Variants in CREB5 observed in about 807,000 individuals in gnomAD.
CREB5 encodes the protein cyclic AMP-responsive element-binding protein 5.
A neutral mutation model predicts 57.1 loss-of-function variants in CREB5; 19 were observed. The observed-to-expected ratio is 0.33, with a 90% CI of 0.23 to 0.49. The LOEUF is 0.49. Among genes scored for constraint, CREB5 ranks in the 20% least tolerant of loss-of-function variants. CREB5 has a pLI of 0.99. For synonymous variants in CREB5, 238 were observed against 238.3 expected (o/e 1.00, Z 0.01); for missense variants, 579 against 671.6 (o/e 0.86, Z 1.52).
chr7:28,570,470 C>T lies in CREB5; in HGVS notation c.397C>T (p.Gln133Ter). The change falls in exon 5 of 11, where the codon CAA becomes TAA. Residue 133 changes from glutamine (Q) to a stop codon, truncating the protein, a stop_gained. Transcript: ENST00000357727. LOFTEE classifies it high-confidence loss of function. ...CCATGACACCAACGTTGTGATTCAG[C>T]AAGCCATGCCGTCGCCTCAGTCCAG... ...PNHDTNVVIQ[Q>*]AMPSPQSSSV... 6.2e-7 allele frequency: 1 copy of T among 1,614,174 alleles called. No homozygotes were observed. The highest frequency in any genetic ancestry group is 8.5e-7 in the Non-Finnish European group (1 of 1,180,032).
At chr7:28,682,471 A>G (rs1800643464) in intron 5 of CREB5, among the ~76,000 whole-genome samples, 1 of 152,254 alleles carries the variant, frequency 6.6e-6, no homozygotes, top group Admixed American at 6.5e-5. Context: ...TAAATTAAAA[A>G]AGGAAGAGAT....
chr7:28,593,113 C>T (rs186968551), intron 5 of CREB5, among the ~76,000 whole-genome samples: 11 of 152,334 alleles, frequency 7.2e-5, no homozygotes, highest in African/African-American at 2.4e-4. Flanking sequence ...TTATTGGTCC[C>T]ATGCCAAGAA....
At chr7:28,733,062 T>C (rs1409693524) in intron 7 of CREB5, among the ~76,000 whole-genome samples, 1 of 152,122 alleles carries the variant, frequency 6.6e-6, no homozygotes, top group Non-Finnish European at 1.5e-5. Flanking sequence ...GCCTCAATTA[T>C]TTTTATTTCA....
chr7:28,457,574 C>T (rs1204892577), intron 1 of CREB5, among the ~76,000 whole-genome samples: 6 of 152,158 alleles, frequency 3.9e-5, no homozygotes, highest in Non-Finnish European at 7.3e-5. Flanking sequence ...AAATTTCTGA[C>T]AGTGGACAAT....
At chr7:28,734,214 A>G (rs1283665533) in intron 7 of CREB5, among the ~76,000 whole-genome samples, 8 of 106,086 alleles carry the variant, frequency 7.5e-5, no homozygotes, top group Non-Finnish European at 2.0e-4. Context: ...TTCAAAAAAA[A>G]AAAAAAAAAA....
chr7:28,449,283 G>C (rs1199718495), intron 1 of CREB5, among the ~76,000 whole-genome samples: 5 of 152,224 alleles, frequency 3.3e-5, no homozygotes, highest in Middle Eastern at 3.4e-3. Context: ...TTCTTTATTT[G>C]TTAGCTGTTG....
intron 5 of CREB5, among the ~76,000 whole-genome samples, chr7:28,579,518 C>T (rs1189967167): frequency 6.6e-6 from 1 of 152,120 alleles, no homozygotes; most frequent in Non-Finnish European, 1.5e-5. Flanking sequence ...TGATAGGACC[C>T]TTGTGAGCAT....
intron 1 of CREB5, among the ~76,000 whole-genome samples, chr7:28,340,216 T>C (rs756206299): frequency 2.7e-5 from 4 of 150,344 alleles, no homozygotes; most frequent in Non-Finnish European, 4.4e-5. Flanking sequence ...GAATCTCTCC[T>C]CATAGCCACC....
chr7:28,324,278 T>C (rs574796700), intron 1 of CREB5, among the ~76,000 whole-genome samples: 63 of 152,270 alleles, frequency 4.1e-4, no homozygotes, highest in African/African-American at 1.4e-3. Flanking sequence ...AGAGCAAACC[T>C]TCTTTAAGAG....
intron 1 of CREB5, among the ~76,000 whole-genome samples, chr7:28,324,860 C>A (rs2127985071): frequency 2.0e-5 from 3 of 152,340 alleles, no homozygotes; most frequent in Middle Eastern, 6.8e-3. Flanking sequence ...CTTTCACAAT[C>A]ATCCTATCTC....
chr7:28,357,038 T>G (rs936284550), intron 1 of CREB5, among the ~76,000 whole-genome samples: 1 of 152,176 alleles, frequency 6.6e-6, no homozygotes, highest in African/African-American at 2.4e-5. Context: ...CCAAGGGCCC[T>G]GGCACACACT....
At chr7:28,474,143 GT>G (rs1314377312) in intron 1 of CREB5, among the ~76,000 whole-genome samples, 1 of 152,148 alleles carries the variant, frequency 6.6e-6, no homozygotes, top group East Asian at 1.9e-4. Flanking sequence ...GAGAGGGGAA[GT>G]TTTCTCTTAA....
At chr7:28,677,791 T>C (rs1800386946) in intron 5 of CREB5, among the ~76,000 whole-genome samples, 1 of 152,096 alleles carries the variant, frequency 6.6e-6, no homozygotes, top group South Asian at 2.1e-4. Context: ...CGTGGGAATA[T>C]AACTTGAGCT....
chr7:28,770,191 G>A (rs939500400), intron 7 of CREB5, among the ~76,000 whole-genome samples: 2 of 152,198 alleles, frequency 1.3e-5, no homozygotes, highest in African/African-American at 4.8e-5. Flanking sequence ...AGAGAAGAGT[G>A]GAGTTAATAT....
chr7:28,753,037 T>C (rs1419950927), intron 7 of CREB5, among the ~76,000 whole-genome samples: 1 of 152,130 alleles, frequency 6.6e-6, no homozygotes, highest in Admixed American at 6.5e-5. Context: ...GCCATACACA[T>C]GATTCCACTT....
At chr7:28,448,368 G>A (rs904871067) in intron 1 of CREB5, among the ~76,000 whole-genome samples, 9 of 152,216 alleles carry the variant, frequency 5.9e-5, no homozygotes, top group Non-Finnish European at 1.2e-4. Context: ...CTAACACAGT[G>A]TATGTATGGT....
chr7:28,752,706 C>T (rs1352821013), intron 7 of CREB5, among the ~76,000 whole-genome samples: 1 of 152,108 alleles, frequency 6.6e-6, no homozygotes, highest in Non-Finnish European at 1.5e-5. Context: ...TAACAGTTAA[C>T]TTTTTGAGAC....
At chr7:28,539,466 C>G (rs766740745) in intron 4 of CREB5, among the ~76,000 whole-genome samples, 4 of 152,176 alleles carry the variant, frequency 2.6e-5, no homozygotes, top group Non-Finnish European at 5.9e-5. Flanking sequence ...AATTTAGGCA[C>G]AAAATCGGTA....
Position 28,551,996 on chromosome 7 carries a change from TTCTCTC to T in CREB5, c.292-18359_292-18354del, listed in dbSNP as rs890435394. On this transcript the variant is annotated intron_variant, in intron 4 of 10. Coordinates refer to ENST00000357727, the MANE Select transcript of CREB5 (RefSeq NM_182898.4). ...CTCTTTCTCTCTCTCTTTCTCTCTT[TTCTCTC>T]TCTCTCTCTTTTCTCTCTCTCTTTC... is the stretch of plus-strand genomic sequence containing the variant. 7.9e-5 allele frequency among the ~76,000 whole-genome samples: 2 copies of T among 25,252 alleles called. 1 individual carries two copies. 16.6% of individuals were successfully genotyped at this position (25,252 alleles called of 152,430 possible). A position where few individuals can be genotyped will look rare whatever the true frequency, so the allele number is the denominator to read the frequency against.
Sources: allele counts gnomAD v4.1 joint callset (sites outside exome capture counted in the v4.1 genomes callset), GRCh38; gene constraint gnomAD v4.1.1; transcripts MANE v1.5; gene names NCBI Gene and HGNC (gene_info 2026-07-23, HGNC 2026-07-21).